Variants in MBTPS1 observed in about 807,000 individuals in gnomAD.
MBTPS1 encodes membrane-bound transcription factor site-1 protease.
MBTPS1 carries 94 observed loss-of-function variants against 127.8 expected under a neutral mutation model. The observed-to-expected ratio is 0.74, with a 90% CI of 0.62 to 0.87. The LOEUF is 0.87. Ranked by LOEUF, MBTPS1 falls within the 40% of genes least tolerant of loss-of-function variation. MBTPS1 has a pLI of 0.00. For synonymous variants in MBTPS1, 632 were observed against 509.4 expected (o/e 1.24, Z -3.24); for missense variants, 1,636 against 1,353.2 (o/e 1.21, Z -3.28).
In MBTPS1 at chr16:84,095,506, T is replaced by A; in HGVS notation, c.625+96A>T. ...CTTTAGCACTAGGCAGTCCCGAACATGGAATTCCTGCATGTCTGGACTTTC... is the reference window on the plus strand; with the variant it reads ...CTTTAGCACTAGGCAGTCCCGAACAAGGAATTCCTGCATGTCTGGACTTTC... On this transcript the variant is annotated intron_variant, in intron 4 of 22. Coordinates refer to ENST00000343411, the MANE Select transcript of MBTPS1 (RefSeq NM_003791.4). 3.7e-6 allele frequency: 5 copies of A among 1,339,176 alleles called. No individual in the cohort carries two copies. The South Asian group carries it at 5.1e-5, about 14-fold the overall frequency. The allele number at this position is 1,339,176 out of a possible 1,614,324, so 83.0% of individuals were successfully genotyped here.
intron 1 of MBTPS1, among the ~76,000 whole-genome samples, chr16:84,104,452 G>A (rs1348016828): frequency 6.6e-6 from 1 of 152,064 alleles, no homozygotes; most frequent in East Asian, 1.9e-4. Flanking sequence ...GACACAGTGA[G>A]ACTCTCTCTC....
At chr16:84,088,837 G>A (rs884492) in intron 8 of MBTPS1, among the ~76,000 whole-genome samples, 15,242 of 152,178 alleles carry the variant, frequency 0.1, 1,033 homozygotes, top group East Asian at 0.24. Context: ...CCCACCACAA[G>A]CTGGGCTGCC....
chr16:84,063,293 C>A lies in MBTPS1; in HGVS notation c.2572+12G>T. 6.2e-7 allele frequency: 1 copy of A among 1,603,492 alleles called. No homozygotes were observed. The highest frequency in any genetic ancestry group is 1.1e-5 in the South Asian group (1 of 90,468). On this transcript the variant is annotated intron_variant, in intron 19 of 22. Transcript: ENST00000343411. The stretch of plus-strand genomic sequence containing the variant: ...GTGCCGAAGTCACAAAGTCCATCTG[C>A]GTTTTTCCTACCCTTCTGTCGGTGA...
At chr16:84,110,643 C>A (rs892448362) in intron 1 of MBTPS1, 3 of 152,138 alleles carry the variant, frequency 2.0e-5, no homozygotes, top group Non-Finnish European at 2.9e-5. Context: ...CTAATTTAAT[C>A]CTCCCAACAA....
At chr16:84,066,835 A>C (rs2085691469) in intron 16 of MBTPS1, among the ~76,000 whole-genome samples, 1 of 152,242 alleles carries the variant, frequency 6.6e-6, no homozygotes, top group South Asian at 2.1e-4. Flanking sequence ...TTATGAAATG[A>C]AAATCAGTAC....
At chr16:84,055,577 G>A (rs908126241) in intron 22 of MBTPS1, among the ~76,000 whole-genome samples, 1 of 152,292 alleles carries the variant, frequency 6.6e-6, no homozygotes, top group Admixed American at 6.5e-5. Context: ...AGGGGGGCAG[G>A]GCAGAGAACT....
intron 1 of MBTPS1, among the ~76,000 whole-genome samples, chr16:84,116,058 A>T (rs968415875): frequency 1.3e-5 from 2 of 152,202 alleles, no homozygotes; most frequent in African/African-American, 4.8e-5. Flanking sequence ...AGACTAAAGG[A>T]TGAGTCTCCA....
intron 1 of MBTPS1, among the ~76,000 whole-genome samples, chr16:84,112,088 G>A (rs965164721): frequency 2.0e-5 from 3 of 152,086 alleles, no homozygotes; most frequent in African/African-American, 4.8e-5. Context: ...TGTAATCCCA[G>A]CTACTCAGGA....
chr16:84,105,627 C>T lies in MBTPS1; in HGVS notation c.-324-3520G>A, dbSNP rs560835228. On this transcript the variant is annotated intron_variant, in intron 1 of 22. Transcript: ENST00000343411. The stretch of plus-strand genomic sequence containing the variant: ...GTGCACAAGGATCAGCACTGCCCAG[C>T]CTGAGGAGGGAGGCAAGGAGGTGTC... Among the ~76,000 whole-genome samples the T allele has an allele frequency of 2.6e-5, 4 of 152,208 alleles. No individual in the cohort carries two copies. In the East Asian group the frequency reaches 7.7e-4, roughly 29 times the overall value.
At chr16:84,076,799 C>G (rs1302655025) in intron 11 of MBTPS1, among the ~76,000 whole-genome samples, 1 of 152,162 alleles carries the variant, frequency 6.6e-6, no homozygotes, top group African/African-American at 2.4e-5. Flanking sequence ...GACAAAATAA[C>G]AGCATTATAA....
intron 14 of MBTPS1, among the ~76,000 whole-genome samples, chr16:84,068,907 C>A (rs1216444820): frequency 6.6e-6 from 1 of 152,196 alleles, no homozygotes; most frequent in African/African-American, 2.4e-5. Flanking sequence ...AACTTTCCAT[C>A]CCCGTCCCTC....
At position 84,070,020 on chromosome 16, in the gene MBTPS1, G is replaced by A. The variant is rs1484734744; in HGVS notation, c.1801C>T (p.Gln601Ter). 1 of 1,576,660 alleles carries A rather than the reference G, an allele frequency of 6.3e-7. No homozygotes were observed. The highest frequency in any genetic ancestry group is 8.6e-7 in the Non-Finnish European group (1 of 1,169,216). ...AETESKNGAE[Q>*]TSTVKLPIKV... ...ATGGGGAGCTTTACTGTTGAAGTCT[G>A]TTCTGCACCATTTTTTGACTAAAAA... Residue 601 changes from glutamine (Q) to a stop codon, truncating the protein, a stop_gained, in exon 14 of 23, where the codon CAG (glutamine) becomes TAG (stop). Coordinates refer to ENST00000343411, the MANE Select transcript of MBTPS1 (RefSeq NM_003791.4). LOFTEE classifies it high-confidence loss of function.
rs1292517358 is a variant in MBTPS1 at position 84,093,951 on chromosome 16, G to A, written c.626-130C>T. 2.1e-5 allele frequency: 15 copies of A among 699,776 alleles called. 1 individual carries two copies. The highest frequency in any genetic ancestry group is 6.8e-5 in the South Asian group (4 of 58,904). 43.3% of individuals were successfully genotyped at this position (699,776 alleles called of 1,614,324 possible). ...TTGTGGAAGGCCAAAGCTGCTCAGA[G>A]CAAATAAGTTAGGTCAGCTGCTCCC... On this transcript the variant is annotated intron_variant, in intron 4 of 22. Coordinates refer to ENST00000343411, the MANE Select transcript of MBTPS1 (RefSeq NM_003791.4).
chr16:84,060,742 A>G lies in MBTPS1; in HGVS notation c.2644T>C (p.Ser882Pro). 1.2e-6 allele frequency: 2 copies of G among 1,612,972 alleles called. No individual in the cohort carries two copies. The highest frequency in any genetic ancestry group is 1.7e-6 in the Non-Finnish European group (2 of 1,179,574). ...YGVTPPSLSHSGNRQRPPSGA... is the reference protein window; with the variant it reads ...YGVTPPSLSHPGNRQRPPSGA... ...CTGGGAGGGCGCTGGCGGTTCCCAG[A>G]GTGACTGAGGCTAGGCGGTGTCACC... The change falls in exon 20 of 23, where the codon TCT (serine) becomes CCT (proline). Residue 882 changes from serine (S) to proline (P), a missense_variant. Coordinates refer to ENST00000343411, the MANE Select transcript of MBTPS1 (RefSeq NM_003791.4).
intron 4 of MBTPS1, among the ~76,000 whole-genome samples, chr16:84,094,424 T>C (rs1369484933): frequency 6.6e-6 from 1 of 152,206 alleles, no homozygotes; most frequent in Non-Finnish European, 1.5e-5. Context: ...CACTTTTCTA[T>C]AATAGTAAGT....
chr16:84,062,526 G>A (rs1194715624), intron 19 of MBTPS1, among the ~76,000 whole-genome samples: 3 of 152,154 alleles, frequency 2.0e-5, no homozygotes, highest in Middle Eastern at 3.2e-3. Flanking sequence ...ACCTCTCAGC[G>A]CACGCTGTTA....
intron 1 of MBTPS1, among the ~76,000 whole-genome samples, chr16:84,115,101 G>C (rs948001982): frequency 2.6e-5 from 4 of 151,986 alleles, no homozygotes; most frequent in Non-Finnish European, 5.9e-5. Flanking sequence ...GCTAATTTTT[G>C]TATTTTCAGT....
intron 11 of MBTPS1, among the ~76,000 whole-genome samples, chr16:84,076,367 C>T (rs1487916038): frequency 6.6e-6 from 1 of 152,010 alleles, no homozygotes; most frequent in Admixed American, 6.6e-5. Context: ...GAGGCATTTC[C>T]ATTAAGATTA....
chr16:84,060,659 A>G lies in MBTPS1; in HGVS notation c.2704+23T>C, dbSNP rs199755176. The G allele has an allele frequency of 5.1e-5, 82 of 1,607,686 alleles. No individual in the cohort carries two copies. The African/African-American group carries it at 1.0e-3, about 20-fold the overall frequency. On this transcript the variant is annotated intron_variant, in intron 20 of 22. Coordinates refer to ENST00000343411, the MANE Select transcript of MBTPS1 (RefSeq NM_003791.4). The stretch of plus-strand genomic sequence containing the variant: ...TCAGCTGGATCCAATTCCCTCCCCA[A>G]GGCATCCTGCCCATCCACTCACCTT...
Sources: gnomAD v4.1 joint callset for allele counts (sites outside exome capture counted in the v4.1 genomes callset) on GRCh38, gnomAD v4.1.1 for gene constraint, MANE v1.5 for transcripts, NCBI Gene and HGNC (gene_info 2026-07-23, HGNC 2026-07-21) for gene names.